RYR2: variants seen among roughly 807,000 people sequenced by gnomAD.
The protein encoded by RYR2 is cardiac muscle ryanodine receptor-calcium release channel.
RYR2 carries 227 observed loss-of-function variants against 601.1 expected under a neutral mutation model. The observed-to-expected ratio is 0.38, with a 90% CI of 0.34 to 0.42. The LOEUF (loss-of-function observed/expected upper bound fraction) is 0.42, where lower values mean the gene tolerates loss of function less well. RYR2 is among the 10% of genes least tolerant of loss of function. RYR2 has a pLI of 1.00. For missense variants in RYR2, 4,646 were observed against 6,156.5 expected, an observed-to-expected ratio of 0.75 and a Z score of 8.21; for synonymous variants, 2,223 against 2,175.1, an observed-to-expected ratio of 1.02 and a Z score of -0.61.
At chr1:237,695,059 T>C (rs945484482) in intron 63 of RYR2, among the ~76,000 whole-genome samples, 1 of 152,160 alleles carries the variant, frequency 6.6e-6, no homozygotes, top group Non-Finnish European at 1.5e-5. Context: ...TCTCAGCATA[T>C]CAGATTATAA....
chr1:237,161,043 C>G (rs1312602087), intron 1 of RYR2, among the ~76,000 whole-genome samples: 5 of 152,028 alleles, frequency 3.3e-5, no homozygotes, highest in African/African-American at 1.2e-4. Context: ...TAAGATAAAT[C>G]TAAATAATTC....
chr1:237,206,103 C>T (rs1681784602), intron 1 of RYR2, among the ~76,000 whole-genome samples: 1 of 152,186 alleles, frequency 6.6e-6, no homozygotes, highest in South Asian at 2.1e-4. Context: ...AGCCGGCTCA[C>T]TGGGAGGCCA....
intron 1 of RYR2, among the ~76,000 whole-genome samples, chr1:237,166,668 C>G (rs1035564479): frequency 6.6e-6 from 1 of 152,130 alleles, no homozygotes; most frequent in Admixed American, 6.5e-5. Context: ...GAAAACAAAA[C>G]AGTTCTCTGG....
At chr1:237,584,649 G>GTTTTTTGTTTT (rs763528934) in intron 29 of RYR2, among the ~76,000 whole-genome samples, 32 of 72,444 alleles carry the variant, frequency 4.4e-4, no homozygotes, top group African/African-American at 7.4e-4. Flanking sequence ...CTCACCACCT[G>GTTTTTTGTTTT]TTTTTTTTTT....
intron 16 of RYR2, among the ~76,000 whole-genome samples, chr1:237,458,679 T>A (rs1003494452): frequency 4.6e-5 from 7 of 151,858 alleles, no homozygotes; most frequent in Non-Finnish European, 1.0e-4. Flanking sequence ...ATTACGTGAC[T>A]AAGTTCTGAT....
At chr1:237,547,803 T>A (rs1346270448) in intron 25 of RYR2, among the ~76,000 whole-genome samples, 5 of 152,234 alleles carry the variant, frequency 3.3e-5, no homozygotes, top group East Asian at 3.8e-4. Flanking sequence ...AAGCAGTCTC[T>A]GCTAAGAGAT....
intron 1 of RYR2, among the ~76,000 whole-genome samples, chr1:237,176,942 TG>T (rs559701637): frequency 9.5e-4 from 144 of 152,356 alleles, no homozygotes; most frequent in African/African-American, 3.3e-3. Context: ...ATTAGTGTTT[TG>T]AGATGTTTAT....
chr1:237,734,023 G>C (rs930756495), intron 79 of RYR2, among the ~76,000 whole-genome samples: 1 of 152,208 alleles, frequency 6.6e-6, no homozygotes. Context: ...GAAGAAGAAA[G>C]AAGGGCACAC....
chr1:237,564,444 A>G (rs1044624698), intron 27 of RYR2, among the ~76,000 whole-genome samples: 2 of 151,880 alleles, frequency 1.3e-5, no homozygotes, highest in Non-Finnish European at 2.9e-5. Context: ...TGATTTTTGT[A>G]TTTTTTGTAG....
chr1:237,057,718 A>C (rs1448720691), intron 1 of RYR2, among the ~76,000 whole-genome samples: 1 of 152,136 alleles, frequency 6.6e-6, no homozygotes, highest in Non-Finnish European at 1.5e-5. Flanking sequence ...CCATAATCTA[A>C]GGTTGTAGAG....
In RYR2 at chr1:237,602,025, G is replaced by A; in HGVS notation, c.4597G>A (p.Val1533Met). ...ATTAAATTCATTAAATGTATTTCAG[G>A]TGGAACCGAGTACAAAATTATTTCC... ...NGKELSTYYQ[V>M]EPSTKLFPAV... Residue 1533 changes from valine to methionine, a missense_variant and splice_region_variant, in exon 35 of 105, where the codon GTG becomes ATG. Val to Met is a conservative substitution (Grantham distance 21, BLOSUM62 1). Around this residue, in one of 17 missense-constraint regions of RYR2, gnomAD observed 1,807 missense variants for 2,088.1 expected, o/e 0.87. Transcript: ENST00000366574. The A allele has an allele frequency of 1.2e-6, 2 of 1,610,888 alleles. No homozygotes were observed. The highest frequency in any genetic ancestry group is 1.7e-6 in the Non-Finnish European group (2 of 1,178,210).
intron 12 of RYR2, among the ~76,000 whole-genome samples, chr1:237,436,453 C>CCTTTTTTTTTTTTTTTTT (rs1707366714): frequency 3.6e-5 from 2 of 55,826 alleles, no homozygotes; most frequent in Non-Finnish European, 6.2e-5. Context: ...GTGTGATTTT[C>CCTTTTTTTTTTTTTTTTT]CTTTTTTTTT....
chr1:237,495,227 G>T (rs1663940135), intron 19 of RYR2, among the ~76,000 whole-genome samples: 1 of 152,078 alleles, frequency 6.6e-6, no homozygotes, highest in African/African-American at 2.4e-5. Context: ...CATTTTCCAG[G>T]AGGATAAATG....
At chr1:237,118,470 C>T (rs1572697283) in intron 1 of RYR2, among the ~76,000 whole-genome samples, 1 of 151,720 alleles carries the variant, frequency 6.6e-6, no homozygotes, top group Non-Finnish European at 1.5e-5. Flanking sequence ...TTCATGGTTA[C>T]TACCTTCAAG....
intron 25 of RYR2, among the ~76,000 whole-genome samples, chr1:237,537,446 C>T (rs930888896): frequency 6.6e-6 from 1 of 152,060 alleles, no homozygotes; most frequent in African/African-American, 2.4e-5. Flanking sequence ...GCCTCAGCCT[C>T]CCTAGTACAG....
chr1:237,744,643 T>A (rs1372186054), intron 80 of RYR2, among the ~76,000 whole-genome samples: 2 of 150,364 alleles, frequency 1.3e-5, no homozygotes, highest in African/African-American at 2.5e-5. Context: ...GCGACAAGAG[T>A]GAAACTCCGT....
intron 50 of RYR2, 46 bp downstream of exon 50, chr1:237,650,143 G>T (rs1682581512): frequency 6.6e-7 from 1 of 1,525,412 alleles, no homozygotes; most frequent in South Asian, 1.2e-5. Flanking sequence ...TTAAAAAACA[G>T]AATTTACAAT....
chr1:237,623,444 A>AGT (rs753280984), intron 38 of RYR2, among the ~76,000 whole-genome samples: 60 of 121,576 alleles, frequency 4.9e-4, no homozygotes, highest in Non-Finnish European at 7.0e-4. Flanking sequence ...CCCAGGCTGG[A>AGT]GTGTAGTGGC....
intron 3 of RYR2, among the ~76,000 whole-genome samples, chr1:237,337,471 T>G (rs1189095776): frequency 6.6e-6 from 1 of 152,204 alleles, no homozygotes. Flanking sequence ...TATTATCTCA[T>G]AGTGGTTAAA....
Sources: gnomAD v4.1 joint callset for allele counts (sites outside exome capture counted in the v4.1 genomes callset) on GRCh38, gnomAD v4.1.1 for gene constraint, gnomAD v4.1.1 regional missense constraint, MANE v1.5 for transcripts, NCBI Gene and HGNC (gene_info 2026-07-23, HGNC 2026-07-21) for gene names.